Variants in GRIN2D observed in about 807,000 individuals in gnomAD.
GRIN2D encodes glutamate ionotropic receptor NMDA type subunit 2D.
Under a neutral mutation model 103.2 loss-of-function variants are expected in GRIN2D, and 37 were observed. The observed-to-expected ratio is 0.36, with a 90% CI of 0.28 to 0.47. GRIN2D has a LOEUF of 0.47. GRIN2D is among the 20% of genes least tolerant of loss of function. The pLI is 1.00. For missense variants in GRIN2D, 1,557 were observed against 1,910.6 expected, an observed-to-expected ratio of 0.81 and a Z score of 3.45; for synonymous variants, 845 against 885.6, an observed-to-expected ratio of 0.95 and a Z score of 0.81.
chr19:48,405,013 G>A lies in GRIN2D; in HGVS notation c.745G>A (p.Ala249Thr), dbSNP rs758239148. The A allele has an allele frequency of 1.2e-5, 20 of 1,612,128 alleles. No homozygotes were observed. The highest frequency in any genetic ancestry group is 1.7e-5 in the Non-Finnish European group (20 of 1,179,454). Residue 249 changes from alanine (A) to threonine (T), a missense_variant, in exon 4 of 14, where the codon GCC becomes ACC. Physicochemically the swap from Ala to Thr is moderately conservative, Grantham distance 58. Transcript: ENST00000263269. This position sits in a 1 kb window ranked among gnomAD's most constrained non-coding sequence, Gnocchi z 5.1. ...CGCGCAGATCCGCCTGCTCTTCTGC[G>A]CCCGAGAGGAGGCCGAGCCCGTGTT... ...VSAQIRLLFC[A>T]REEAEPVFRA...
intron 11 of GRIN2D, among the ~76,000 whole-genome samples, chr19:48,429,297 C>T (rs912728036): frequency 1.3e-5 from 2 of 152,190 alleles, no homozygotes; most frequent in South Asian, 4.1e-4. Context: ...ATAGTCACAG[C>T]TCATTGCAGC....
chr19:48,413,175 TAA>T (rs34356915), intron 4 of GRIN2D, among the ~76,000 whole-genome samples: 34 of 97,592 alleles, frequency 3.5e-4, no homozygotes, highest in Admixed American at 6.9e-4. Flanking sequence ...AACCACACAT[TAA>T]AAAAAAAAAA....
chr19:48,397,000 C>T (rs1970651402), intron 2 of GRIN2D, among the ~76,000 whole-genome samples: 1 of 152,128 alleles, frequency 6.6e-6, no homozygotes, highest in Non-Finnish European at 1.5e-5. Flanking sequence ...CCCAACCACC[C>T]CAGGCGGCTA....
At position 48,443,974 on chromosome 19, in the gene GRIN2D, G is replaced by A. The variant is rs1971347111; in HGVS notation, c.*37G>A. Reference sequence around the variant, plus strand: ...GGGCCCCACCGCCCCCTTGGTCAGCGCAGGCCACGGCCCGAGGGGGCGCCC... The same window carrying A: ...GGGCCCCACCGCCCCCTTGGTCAGCACAGGCCACGGCCCGAGGGGGCGCCC... On this transcript the variant is annotated 3_prime_UTR_variant, in exon 14 of 14. Transcript: ENST00000263269. This position sits in a 1 kb window ranked among gnomAD's most constrained non-coding sequence, Gnocchi z 8.9. 4 of 1,310,350 alleles carry A rather than the reference G, an allele frequency of 3.1e-6. No homozygotes were observed. Among genetic ancestry groups the A allele is most frequent in the Non-Finnish European group, 3.9e-6 (4 of 1,016,464 alleles). 81.2% of individuals were successfully genotyped at this position (1,310,350 alleles called of 1,614,324 possible). A position where few individuals can be genotyped will look rare whatever the true frequency, so the allele number is the denominator to read the frequency against.
At chr19:48,412,318 G>C (rs1315909638) in intron 4 of GRIN2D, among the ~76,000 whole-genome samples, 1 of 148,092 alleles carries the variant, frequency 6.8e-6, no homozygotes, top group East Asian at 2.0e-4. Context: ...GACAGAGCGA[G>C]ACTCTGTCTC....
intron 11 of GRIN2D, among the ~76,000 whole-genome samples, chr19:48,427,408 C>A (rs1188758262): frequency 1.3e-5 from 2 of 151,142 alleles, no homozygotes; most frequent in Non-Finnish European, 2.9e-5. Context: ...CAAGAGAGTT[C>A]TACTTGTTCC....
intron 7 of GRIN2D, 47 bp from the exon 8 acceptor site, chr19:48,415,955 C>G (rs751757289): frequency 3.2e-6 from 5 of 1,567,176 alleles, no homozygotes; most frequent in African/African-American, 1.3e-5. Flanking sequence ...TCAGTCTGTC[C>G]GCTTGAGCCG....
chr19:48,412,990 G>T (rs1271248691), intron 4 of GRIN2D, among the ~76,000 whole-genome samples: 1 of 138,098 alleles, frequency 7.2e-6, no homozygotes, highest in Non-Finnish European at 1.5e-5. Flanking sequence ...ACAAAAATTA[G>T]CTGGACATGG....
At chr19:48,441,985 CGGAGAG>C (rs781268074) in intron 12 of GRIN2D, 29 bp downstream of exon 12, 2 of 1,582,948 alleles carry the variant, frequency 1.3e-6, no homozygotes, top group Non-Finnish European at 1.7e-6. Flanking sequence ...ATTTCCACAG[CGGAGAG>C]GGGGAGGGCG....
chr19:48,432,851 C>A (rs1248834078), intron 11 of GRIN2D, among the ~76,000 whole-genome samples: 3 of 148,374 alleles, frequency 2.0e-5, no homozygotes, highest in African/African-American at 7.4e-5. Context: ...AGTGCAGTGG[C>A]ACGATCTCTG....
chr19:48,398,595 G>A lies in GRIN2D; in HGVS notation c.203G>A (p.Arg68His). 1.1e-5 allele frequency: 14 copies of A among 1,222,934 alleles called. No individual in the cohort carries two copies. The highest frequency in any genetic ancestry group is 1.3e-5 in the Non-Finnish European group (13 of 981,256). The allele number at this position is 1,222,934 out of a possible 1,614,324, so 75.8% of individuals were successfully genotyped here. The change falls in exon 3 of 14, where the codon CGC becomes CAC. Residue 68 changes from arginine to histidine, a missense_variant. Physicochemically the swap from Arg to His is conservative, Grantham distance 29 (BLOSUM62 0). Around this residue, in one of 7 missense-constraint regions of GRIN2D, gnomAD observed 490 missense variants for 601.1 expected, o/e 0.82. Transcript: ENST00000263269. ...SGPAYAAEAA[R>H]LGPAVAAAVR... ...CCCGCGTACGCGGCCGAGGCGGCAC[G>A]CCTGGGCCCGGCCGTGGCGGCGGCG...
chr19:48,412,544 T>G (rs1970885428), intron 4 of GRIN2D, among the ~76,000 whole-genome samples: 1 of 151,382 alleles, frequency 6.6e-6, no homozygotes, highest in Non-Finnish European at 1.5e-5. Context: ...TCCCAGCCCT[T>G]TGGGAGGCTG....
intron 4 of GRIN2D, among the ~76,000 whole-genome samples, chr19:48,407,854 G>A (rs536531886): frequency 2.6e-5 from 4 of 152,334 alleles, no homozygotes; most frequent in Admixed American, 2.0e-4. Context: ...AGGTGGGGTG[G>A]TCAGGAAAGG....
intron 11 of GRIN2D, among the ~76,000 whole-genome samples, chr19:48,435,599 C>T (rs1410261357): frequency 6.6e-6 from 1 of 152,194 alleles, no homozygotes; most frequent in African/African-American, 2.4e-5. Flanking sequence ...CACATGCCAC[C>T]ACACCCGGCT....
chr19:48,421,747 T>A lies in GRIN2D; in HGVS notation c.2092-38T>A, dbSNP rs779463792. 1.5e-5 allele frequency: 23 copies of A among 1,584,246 alleles called. No homozygotes were observed. The highest frequency in any genetic ancestry group is 1.8e-5 in the Non-Finnish European group (21 of 1,156,678). On this transcript the variant is annotated intron_variant, in intron 10 of 13. Coordinates refer to ENST00000263269, the MANE Select transcript of GRIN2D (RefSeq NM_000836.4). This position sits in a 1 kb window ranked among gnomAD's most constrained non-coding sequence, Gnocchi z 4.8. Reference sequence around the variant, plus strand: ...GGGTGATTTATGTTAGGGATGTCCCTGCGGAGGGTGCCCTAATCACTCCCC... The same window carrying A: ...GGGTGATTTATGTTAGGGATGTCCCAGCGGAGGGTGCCCTAATCACTCCCC...
At chr19:48,431,544 G>GT (rs2147466115) in intron 11 of GRIN2D, among the ~76,000 whole-genome samples, 1 of 150,802 alleles carries the variant, frequency 6.6e-6, no homozygotes, top group African/African-American at 2.4e-5. Context: ...CTTGTCCTTG[G>GT]TGGACTGACA....
In GRIN2D at chr19:48,421,325, G is replaced by C. The variant is rs149674946; in HGVS notation, c.2092-460G>C. On this transcript the variant is annotated intron_variant, in intron 10 of 13. Coordinates refer to ENST00000263269, the MANE Select transcript of GRIN2D (RefSeq NM_000836.4). The surrounding 1 kb of genome is among the most constrained non-coding windows in gnomAD (Gnocchi z 4.8). ...TGCCTGTAATCCCAGCTACTCGGGAGGCTGAGGCAGGAGAATCAGTTGAAC... is the reference window on the plus strand; with the variant it reads ...TGCCTGTAATCCCAGCTACTCGGGACGCTGAGGCAGGAGAATCAGTTGAAC... Among the ~76,000 whole-genome samples, 1 of 152,058 alleles carries C rather than the reference G, an allele frequency of 6.6e-6. No homozygotes were observed. Among genetic ancestry groups the C allele is most frequent in the African/African-American group, 2.4e-5 (1 of 41,362 alleles).
At chr19:48,416,444 TAAGGTTGAATTATTTTTTCTCA>T (rs1970950222) in intron 8 of GRIN2D, among the ~76,000 whole-genome samples, 1 of 152,190 alleles carries the variant, frequency 6.6e-6, no homozygotes, top group Admixed American at 6.5e-5. Context: ...TTTGTATTCA[TAAGGTTGAATTATTTTTTCTCA>T]AAGAGAGCCC....
chr19:48,426,224 C>CTTTCTTTCTTTTTTTTTTTTTTTTTT (rs1555893889), intron 11 of GRIN2D, among the ~76,000 whole-genome samples: 4 of 120,116 alleles, frequency 3.3e-5, no homozygotes, highest in African/African-American at 1.4e-4. Context: ...TTCTTTCTTT[C>CTTTCTTTCTTTTTTTTTTTTTTTTTT]TTTTTTTTTT....
Sources: gnomAD v4.1 joint callset for allele counts (sites outside exome capture counted in the v4.1 genomes callset) on GRCh38, gnomAD v4.1.1 for gene constraint, gnomAD v4.1.1 regional missense constraint, Gnocchi (gnomAD v3.1) non-coding constraint, MANE v1.5 for transcripts, NCBI Gene and HGNC (gene_info 2026-07-23, HGNC 2026-07-21) for gene names.